ARHGAP26: variants seen among roughly 807,000 people sequenced by gnomAD.
ARHGAP26 encodes rho GTPase-activating protein 26.
In ARHGAP26, 38 loss-of-function variants were observed where a neutral mutation model predicts 104.8. That is an observed-to-expected ratio of 0.36 (90% CI 0.28 to 0.48). The LOEUF (loss-of-function observed/expected upper bound fraction) is 0.48. Among genes scored for constraint, ARHGAP26 ranks in the 20% least tolerant of loss-of-function variants. The pLI is 0.99. For synonymous variants in ARHGAP26, 341 were observed against 340.0 expected (o/e 1.00, Z -0.03); for missense variants, 704 against 947.9 (o/e 0.74, Z 3.38).
chr5:143,169,401 C>T (rs1040354653), intron 20 of ARHGAP26: 1 of 152,244 alleles, frequency 6.6e-6, no homozygotes, highest in Non-Finnish European at 1.5e-5. Flanking sequence ...CAGAACCCAG[C>T]TCTTGCCAGC....
At chr5:142,811,699 T>A (rs572185997) in intron 1 of ARHGAP26, among the ~76,000 whole-genome samples, 1 of 152,266 alleles carries the variant, frequency 6.6e-6, no homozygotes, top group African/African-American at 2.4e-5. Flanking sequence ...TAAGTTTAAG[T>A]GAGCCAATGC....
At chr5:142,909,709 A>G (rs1293040974) in intron 9 of ARHGAP26, among the ~76,000 whole-genome samples, 2 of 152,208 alleles carry the variant, frequency 1.3e-5, no homozygotes, top group African/African-American at 4.8e-5. Flanking sequence ...CTACATTATT[A>G]GGTGTCCCCT....
chr5:142,883,802 G>A (rs1260254998), intron 4 of ARHGAP26, among the ~76,000 whole-genome samples: 1 of 152,150 alleles, frequency 6.6e-6, no homozygotes, highest in Admixed American at 6.5e-5. Flanking sequence ...TATTTCCTTT[G>A]TAGCACTTGC....
At chr5:142,967,845 G>A (rs1165799154) in intron 11 of ARHGAP26, among the ~76,000 whole-genome samples, 1 of 152,148 alleles carries the variant, frequency 6.6e-6, no homozygotes, top group Non-Finnish European at 1.5e-5. Context: ...ATGAATGATG[G>A]CAGCTGGGAG....
chr5:142,981,472 C>T (rs1773934872), intron 11 of ARHGAP26, among the ~76,000 whole-genome samples: 1 of 152,100 alleles, frequency 6.6e-6, no homozygotes, highest in Admixed American at 6.5e-5. Context: ...CCTCTGCCTC[C>T]CTATATTCAG....
At chr5:143,052,360 C>T (rs1196101962) in intron 14 of ARHGAP26, among the ~76,000 whole-genome samples, 1 of 151,958 alleles carries the variant, frequency 6.6e-6, no homozygotes, top group Non-Finnish European at 1.5e-5. Context: ...ATCCCAGCTA[C>T]TTGGGAGGCT....
intron 8 of ARHGAP26, 141 bp from the exon 9 acceptor site, chr5:142,907,563 T>A: frequency 7.0e-6 from 3 of 427,474 alleles, no homozygotes; most frequent in Non-Finnish European, 8.5e-6. Flanking sequence ...TTCTAGCTAG[T>A]GTGGAGAATA....
intron 17 of ARHGAP26, 96 bp downstream of exon 17, chr5:143,057,843 C>T (rs1159745388): frequency 1.7e-5 from 17 of 1,009,638 alleles, no homozygotes; most frequent in Admixed American, 5.4e-5. Context: ...TTTCTCTCTC[C>T]CACTATTGCA....
chr5:143,132,358 G>A (rs1454403891), intron 18 of ARHGAP26, among the ~76,000 whole-genome samples: 1 of 150,940 alleles, frequency 6.6e-6, no homozygotes, highest in African/African-American at 2.4e-5. Flanking sequence ...ATGTGTCTAG[G>A]GCCACTCATG....
At chr5:142,960,440 A>G (rs1770030156) in intron 11 of ARHGAP26, among the ~76,000 whole-genome samples, 1 of 152,366 alleles carries the variant, frequency 6.6e-6, no homozygotes, top group South Asian at 2.1e-4. Context: ...ATTGCACATC[A>G]TTCTGAGTAG....
At chr5:143,182,319 C>G (rs529321160) in intron 20 of ARHGAP26, among the ~76,000 whole-genome samples, 1 of 152,214 alleles carries the variant, frequency 6.6e-6, no homozygotes, top group South Asian at 2.1e-4. Flanking sequence ...AGTTCATCAT[C>G]TGCTGAAGAG....
chr5:143,187,979 C>T (rs747698392), intron 20 of ARHGAP26, among the ~76,000 whole-genome samples: 12 of 152,194 alleles, frequency 7.9e-5, no homozygotes, highest in Non-Finnish European at 1.8e-4. Context: ...TGAGAGCATT[C>T]CATCTCACAG....
chr5:143,103,913 G>T (rs11960127), intron 17 of ARHGAP26, among the ~76,000 whole-genome samples: 1 of 151,828 alleles, frequency 6.6e-6, no homozygotes, highest in Non-Finnish European at 1.5e-5. Context: ...CATTCTGCAC[G>T]TGTATCCCAG....
chr5:142,880,583 T>A (rs1190448406), intron 4 of ARHGAP26, among the ~76,000 whole-genome samples: 1 of 152,064 alleles, frequency 6.6e-6, no homozygotes, highest in Non-Finnish European at 1.5e-5. Context: ...AGAGGCTACC[T>A]GCAGAGAAGA....
chr5:143,142,798 G>A (rs1199260920), intron 19 of ARHGAP26, among the ~76,000 whole-genome samples: 2 of 152,106 alleles, frequency 1.3e-5, no homozygotes, highest in Admixed American at 6.5e-5. Flanking sequence ...TTAAGCTGCT[G>A]TGCTATTATC....
At chr5:143,175,401 C>G (rs1429533347) in intron 20 of ARHGAP26, among the ~76,000 whole-genome samples, 1 of 152,138 alleles carries the variant, frequency 6.6e-6, no homozygotes, top group Non-Finnish European at 1.5e-5. Context: ...CATCTTGTCA[C>G]AGAGAAAGGC....
intron 10 of ARHGAP26, among the ~76,000 whole-genome samples, chr5:142,925,492 G>T (rs1348528330): frequency 2.0e-5 from 3 of 152,296 alleles, no homozygotes; most frequent in African/African-American, 7.2e-5. Context: ...CATTCTCCAA[G>T]ATTATTCTAT....
chr5:142,858,163 C>T (rs565052297), intron 1 of ARHGAP26, among the ~76,000 whole-genome samples: 91 of 150,616 alleles, frequency 6.0e-4, no homozygotes, highest in African/African-American at 2.2e-3. Context: ...AGTGATATAC[C>T]TGATGTATTA....
intron 1 of ARHGAP26, among the ~76,000 whole-genome samples, chr5:142,864,889 G>T (rs543733176): frequency 3.8e-4 from 58 of 152,348 alleles, no homozygotes; most frequent in Non-Finnish European, 5.3e-4. Flanking sequence ...TGATGTTTGC[G>T]CAGCCAATGC....
Sources: allele counts gnomAD v4.1 joint callset (sites outside exome capture counted in the v4.1 genomes callset), GRCh38; gene constraint gnomAD v4.1.1; transcripts MANE v1.5; gene names NCBI Gene and HGNC (gene_info 2026-07-23, HGNC 2026-07-21).